The following FRS2 variants were observed in gnomAD, a reference collection of about 807,000 sequenced individuals.
FRS2 encodes fibroblast growth factor receptor substrate 2.
Under a neutral mutation model 43.9 loss-of-function variants are expected in FRS2, and 8 were observed. The ratio of observed to expected loss-of-function variants is 0.18; its 90% CI spans 0.11 to 0.33. FRS2 has a LOEUF of 0.33. Ranked by LOEUF, FRS2 falls within the 10% of genes least tolerant of loss-of-function variation. FRS2 has a pLI of 1.00. For missense variants in FRS2, 534 were observed against 627.6 expected, an observed-to-expected ratio of 0.85 and a Z score of 1.59; for synonymous variants, 219 against 220.3, an observed-to-expected ratio of 0.99 and a Z score of 0.05.
chr12:69,532,674 A>G (rs958707026), intron 3 of FRS2, among the ~76,000 whole-genome samples: 1 of 152,140 alleles, frequency 6.6e-6, no homozygotes, highest in African/African-American at 2.4e-5. Context: ...TGAATTTTAG[A>G]AGGGACACAT....
rs138878201 is a variant in FRS2, at chr12:69,527,853, A to G, written c.-260-3012A>G. Reference sequence around the variant, plus strand: ...TTCAAGGGTTCTCTCCAACTTTCCAAACAAAGCAGATTTGAACATTAAATT... The same window carrying G: ...TTCAAGGGTTCTCTCCAACTTTCCAGACAAAGCAGATTTGAACATTAAATT... On this transcript the variant is annotated intron_variant, in intron 1 of 8. Transcript: ENST00000549921. 2.2e-3 allele frequency among the ~76,000 whole-genome samples: 341 copies of G among 152,310 alleles called. 1 individual carries two copies. Among genetic ancestry groups the G allele is most frequent in the African/African-American group, 7.9e-3 (329 of 41,564 alleles).
chr12:69,500,397 G>C (rs553932298), intron 1 of FRS2, among the ~76,000 whole-genome samples: 1 of 152,164 alleles, frequency 6.6e-6, no homozygotes. Flanking sequence ...GTAGAGGGAA[G>C]AGGAATTGGC....
At chr12:69,505,959 A>G (rs1170936639) in intron 1 of FRS2, among the ~76,000 whole-genome samples, 1 of 152,178 alleles carries the variant, frequency 6.6e-6, no homozygotes, top group Non-Finnish European at 1.5e-5. Context: ...TTTCTTGTTC[A>G]AGAAGTGTTT....
At chr12:69,504,012 T>C (rs927674677) in intron 1 of FRS2, among the ~76,000 whole-genome samples, 1 of 152,180 alleles carries the variant, frequency 6.6e-6, no homozygotes, top group Non-Finnish European at 1.5e-5. Context: ...GAGACCAGCC[T>C]GTCCAACAAG....
chr12:69,513,829 T>C (rs938102194), intron 1 of FRS2, among the ~76,000 whole-genome samples: 2 of 152,186 alleles, frequency 1.3e-5, no homozygotes, highest in Non-Finnish European at 2.9e-5. Flanking sequence ...GTTACCTCAA[T>C]GAAAGCTACT....
At chr12:69,477,393 C>T (rs1870904723) in intron 1 of FRS2, among the ~76,000 whole-genome samples, 1 of 150,794 alleles carries the variant, frequency 6.6e-6, no homozygotes, top group Non-Finnish European at 1.5e-5. Context: ...CGCCATTCTC[C>T]TGCCTCAGCC....
chr12:69,527,464 G>A (rs969860224), intron 1 of FRS2, among the ~76,000 whole-genome samples: 1 of 149,106 alleles, frequency 6.7e-6, no homozygotes, highest in African/African-American at 2.5e-5. Flanking sequence ...GATTCTTGTT[G>A]CGGGTCACCA....
chr12:69,541,455 C>G (rs1877894264), intron 3 of FRS2, among the ~76,000 whole-genome samples: 1 of 151,956 alleles, frequency 6.6e-6, no homozygotes, highest in Non-Finnish European at 1.5e-5. Context: ...TGTGTTTGGC[C>G]TACTCTGTAA....
chr12:69,515,947 T>C (rs1245121421), intron 1 of FRS2, among the ~76,000 whole-genome samples: 1 of 142,724 alleles, frequency 7.0e-6, no homozygotes, highest in Non-Finnish European at 1.5e-5. Context: ...AGAACTGTTA[T>C]TTAACCCCGG....
intron 1 of FRS2, among the ~76,000 whole-genome samples, chr12:69,492,625 T>TA (rs1245775092): frequency 1.3e-5 from 2 of 152,246 alleles, no homozygotes; most frequent in African/African-American, 4.8e-5. Flanking sequence ...GAAGTCACTT[T>TA]AAGGATTGTT....
At chr12:69,525,814 A>G (rs997268777) in intron 1 of FRS2, among the ~76,000 whole-genome samples, 2 of 151,020 alleles carry the variant, frequency 1.3e-5, no homozygotes, top group African/African-American at 4.9e-5. Context: ...TTAGAAGACT[A>G]GCATATGTAT....
intron 1 of FRS2, among the ~76,000 whole-genome samples, chr12:69,497,199 A>T (rs1036719213): frequency 1.3e-5 from 2 of 152,232 alleles, no homozygotes; most frequent in Admixed American, 1.3e-4. Flanking sequence ...ACAAACAGAT[A>T]TATAATTCAT....
Position 69,495,928 on chromosome 12 carries a change from A to G in FRS2, c.-261+25398A>G, listed in dbSNP as rs114155552. ...TCTGGATGACAGCGAGACTCTCTCA[A>G]AAAAAGAGAAAGGAAAAAAAAAGTG... On this transcript the variant is annotated intron_variant, in intron 1 of 8. Transcript: ENST00000549921. 3.9e-3 allele frequency among the ~76,000 whole-genome samples: 595 copies of G among 152,296 alleles called. 5 individuals carry two copies. Among genetic ancestry groups the G allele is most frequent in the African/African-American group, 0.013 (558 of 41,558 alleles).
At chr12:69,520,376 GT>G (rs112572825) in intron 1 of FRS2, among the ~76,000 whole-genome samples, 39,838 of 109,742 alleles carry the variant, frequency 0.36, 5,642 homozygotes, top group African/African-American at 0.53. Flanking sequence ...TCTATTATTA[GT>G]TTTTTTTTTT....
chr12:69,562,894 G>A (rs977338599), intron 4 of FRS2, among the ~76,000 whole-genome samples: 4 of 151,904 alleles, frequency 2.6e-5, no homozygotes, highest in Non-Finnish European at 5.9e-5. Flanking sequence ...TCACTGTGTT[G>A]CCCAGGCTGG....
intron 1 of FRS2, among the ~76,000 whole-genome samples, chr12:69,504,339 T>C (rs1050069472): frequency 3.3e-5 from 5 of 152,162 alleles, no homozygotes; most frequent in African/African-American, 1.2e-4. Context: ...CACTCCAGCC[T>C]GGGTGACAGA....
At chr12:69,532,378 CTCA>C (rs1876887645) in intron 3 of FRS2, among the ~76,000 whole-genome samples, 2 of 152,094 alleles carry the variant, frequency 1.3e-5, no homozygotes, top group African/African-American at 4.8e-5. Flanking sequence ...TTATCTTTTA[CTCA>C]GTGGACATTG....
At chr12:69,477,341 C>T (rs952160420) in intron 1 of FRS2, among the ~76,000 whole-genome samples, 18 of 138,968 alleles carry the variant, frequency 1.3e-4, no homozygotes, top group Non-Finnish European at 2.4e-4. Flanking sequence ...AGTGCAGTGG[C>T]GCGATCTCAG....
chr12:69,489,816 G>GTTT (rs35733726), intron 1 of FRS2, among the ~76,000 whole-genome samples: 2 of 144,716 alleles, frequency 1.4e-5, no homozygotes, highest in African/African-American at 5.1e-5. Context: ...AGTTTTTGGG[G>GTTT]TTTTTTTTTT....
Sources: gnomAD v4.1 joint callset for allele counts (sites outside exome capture counted in the v4.1 genomes callset) on GRCh38, gnomAD v4.1.1 for gene constraint, MANE v1.5 for transcripts, NCBI Gene and HGNC (gene_info 2026-07-23, HGNC 2026-07-21) for gene names.